The following PRKDC variants were observed in gnomAD, a reference collection of about 807,000 sequenced individuals.
PRKDC encodes protein kinase, DNA-activated, catalytic subunit.
In PRKDC, 82 loss-of-function variants were observed where a neutral mutation model predicts 486.9. That is an observed-to-expected ratio of 0.17 (90% CI 0.14 to 0.20). The LOEUF is 0.20. PRKDC is among the 10% of genes least tolerant of loss of function. The pLI is 1.00. For synonymous variants in PRKDC, 1,895 were observed against 1,837.0 expected (o/e 1.03, Z -0.81); for missense variants, 4,504 against 5,038.2 (o/e 0.89, Z 3.21).
At position 47,828,099 on chromosome 8, in the gene PRKDC, T is replaced by G. The variant is rs1010372694; in HGVS notation, c.8577+69A>C. The stretch of plus-strand genomic sequence containing the variant: ...AAGAGTCTCAACACGGGAAACATAG[T>G]GATGATGGAAAGGCCATGTGAAGCC... On this transcript the variant is annotated intron_variant, in intron 62 of 85. Coordinates refer to ENST00000314191, the MANE Select transcript of PRKDC (RefSeq NM_006904.7). The G allele has an allele frequency of 2.1e-6, 3 of 1,446,120 alleles. No individual in the cohort carries two copies. The African/African-American group carries it at 4.2e-5, about 20-fold the overall frequency. 89.6% of individuals were successfully genotyped at this position (1,446,120 alleles called of 1,614,324 possible). A position where few individuals can be genotyped will look rare whatever the true frequency, so the allele number is the denominator to read the frequency against.
chr8:47,911,268 C>G (rs2089897813), intron 25 of PRKDC, among the ~76,000 whole-genome samples: 1 of 152,240 alleles, frequency 6.6e-6, no homozygotes. Context: ...AAGTAAAGCA[C>G]TGACCACTCC....
chr8:47,858,536 G>A lies in PRKDC; in HGVS notation c.6445C>T (p.Leu2149Phe). Reference sequence around the variant, plus strand: ...CTTACCTCTTCTGTATTAATAACAAGCTTGGCTAAGAAGAGACGGATATTT... The same window carrying A: ...CTTACCTCTTCTGTATTAATAACAAACTTGGCTAAGAAGAGACGGATATTT... The part of the protein sequence containing the change: ...PLNIRLFLAK[L>F]VINTEEVFRP... Residue 2149 changes from leucine (L) to phenylalanine (F), a missense_variant, in exon 48 of 86, where the codon CTT (leucine) becomes TTT (phenylalanine). Around this residue, in one of 6 missense-constraint regions of PRKDC, gnomAD observed 1,592 missense variants for 1,724.6 expected, o/e 0.92. Transcript: ENST00000314191. 1 of 1,521,536 alleles carries A rather than the reference G, an allele frequency of 6.6e-7. No homozygotes were observed. Among genetic ancestry groups the A allele is most frequent in the Non-Finnish European group, 8.9e-7 (1 of 1,122,856 alleles). 94.3% of individuals were successfully genotyped at this position (1,521,536 alleles called of 1,614,324 possible). A position where few individuals can be genotyped will look rare whatever the true frequency, so the allele number is the denominator to read the frequency against.
At chr8:47,888,945 G>A (rs1163150353) in intron 33 of PRKDC, 69 bp downstream of exon 33, 8 of 1,464,610 alleles carry the variant, frequency 5.5e-6, no homozygotes, top group South Asian at 3.6e-5. Context: ...GCAGCTGCAG[G>A]AGCACGGCAA....
At chr8:47,900,969 G>A (rs1192503865) in intron 27 of PRKDC, among the ~76,000 whole-genome samples, 1 of 151,502 alleles carries the variant, frequency 6.6e-6, no homozygotes, top group African/African-American at 2.4e-5. Flanking sequence ...GCAACAAAGT[G>A]ACACCCTGTC....
intron 17 of PRKDC, 23 bp from the exon 18 acceptor site, chr8:47,930,035 GA>G: frequency 1.3e-6 from 2 of 1,584,958 alleles, no homozygotes; most frequent in South Asian, 1.2e-5. Flanking sequence ...ATTAGAAATT[GA>G]AGGTAGAAAT....
At chr8:47,803,161 C>G (rs1208288170) in intron 70 of PRKDC, 145 bp downstream of exon 70, 7 of 743,604 alleles carry the variant, frequency 9.4e-6, no homozygotes, top group Non-Finnish European at 1.4e-5. Flanking sequence ...CTATCATTCT[C>G]TGGCTCACTT....
intron 7 of PRKDC, among the ~76,000 whole-genome samples, chr8:47,949,520 ACT>A (rs2090593215): frequency 6.6e-6 from 1 of 152,216 alleles, no homozygotes. Flanking sequence ...ATATATGTTC[ACT>A]GAGTGCTGAT....
chr8:47,959,263 C>T (rs548415058), intron 1 of PRKDC: 1 of 152,108 alleles, frequency 6.6e-6, no homozygotes, highest in Non-Finnish European at 1.5e-5. Flanking sequence ...CCAGGCATTG[C>T]TAAAGAGTTA....
chr8:47,785,010 T>C, intron 77 of PRKDC, 103 bp downstream of exon 77: 2 of 1,123,060 alleles, frequency 1.8e-6, no homozygotes, highest in Non-Finnish European at 2.6e-6. Flanking sequence ...AAAAAAGAAA[T>C]AACTGTCAAT....
chr8:47,878,911 C>T (rs1353304291), intron 39 of PRKDC, among the ~76,000 whole-genome samples: 1 of 152,160 alleles, frequency 6.6e-6, no homozygotes, highest in East Asian at 1.9e-4. Flanking sequence ...AGTCCTATCC[C>T]CGGGATATCT....
chr8:47,774,435 G>C, intron 85 of PRKDC, 58 bp from the exon 86 acceptor site: 1 of 1,511,074 alleles, frequency 6.6e-7, no homozygotes. Flanking sequence ...TTTGTTGCCT[G>C]CATCCCTAGT....
chr8:47,929,195 C>G lies in PRKDC; in HGVS notation c.2053-17G>C. The G allele has an allele frequency of 6.7e-7, 1 of 1,488,228 alleles. No homozygotes were observed. Among genetic ancestry groups the G allele is most frequent in the South Asian group, 1.2e-5 (1 of 82,988 alleles). 92.2% of individuals were successfully genotyped at this position (1,488,228 alleles called of 1,614,324 possible). On this transcript the variant is annotated splice_polypyrimidine_tract_variant and intron_variant, in intron 18 of 85. Coordinates refer to ENST00000314191, the MANE Select transcript of PRKDC (RefSeq NM_006904.7). ...ACTAACTCCCTGTCAAATAAAACAG[C>G]AAGTTAGTACACTGAACAAGAATCG...
At chr8:47,807,409 C>T in intron 68 of PRKDC, 83 bp from the exon 69 acceptor site, 4 of 1,218,654 alleles carry the variant, frequency 3.3e-6, no homozygotes, top group Non-Finnish European at 4.5e-6. Flanking sequence ...AATTCTAAAC[C>T]TTAGTAAATG....
chr8:47,832,835 C>T (rs2087918972), intron 59 of PRKDC, among the ~76,000 whole-genome samples: 1 of 152,362 alleles, frequency 6.6e-6, no homozygotes, highest in African/African-American at 2.4e-5. Flanking sequence ...AACGGATCTA[C>T]GCCCAAGGAC....
At chr8:47,777,901 G>A (rs560869082) in intron 83 of PRKDC, 27 bp from the exon 84 acceptor site, 1 of 1,602,330 alleles carries the variant, frequency 6.2e-7, no homozygotes, top group Non-Finnish European at 8.5e-7. Flanking sequence ...GCAAGGAGCA[G>A]AATATGTAAG....
At chr8:47,959,197 A>T (rs2090766788) in intron 1 of PRKDC, 1 of 152,224 alleles carries the variant, frequency 6.6e-6, no homozygotes, top group Admixed American at 6.5e-5. Flanking sequence ...TAAGTATTTG[A>T]ATATTTAAAA....
At position 47,941,376 on chromosome 8, in the gene PRKDC, G is replaced by A. The variant is rs559683984; in HGVS notation, c.967-1679C>T. Among the ~76,000 whole-genome samples the A allele has an allele frequency of 1.5e-3, 236 of 152,258 alleles. 1 individual carries two copies. The highest frequency in any genetic ancestry group is 1.0e-3 in the Non-Finnish European group (70 of 68,028). ...TGATCTAATAATGGGACTCAGGGTG[G>A]AGCTGACCACACCTGGTAACAATGT... On this transcript the variant is annotated intron_variant, in intron 10 of 85. Transcript: ENST00000314191.
chr8:47,827,533 G>T (rs1303457238), intron 62 of PRKDC, among the ~76,000 whole-genome samples: 1 of 152,172 alleles, frequency 6.6e-6, no homozygotes, highest in Non-Finnish European at 1.5e-5. Flanking sequence ...AGGCTGTGTT[G>T]CCTTGGAAAG....
chr8:47,876,387 C>T (rs556229713), intron 40 of PRKDC, among the ~76,000 whole-genome samples: 2 of 152,128 alleles, frequency 1.3e-5, no homozygotes, highest in Admixed American at 1.3e-4. Context: ...CGGGGCCAGG[C>T]GGGATGGCTC....
Sources: gnomAD v4.1 joint callset for allele counts (sites outside exome capture counted in the v4.1 genomes callset) on GRCh38, gnomAD v4.1.1 for gene constraint, gnomAD v4.1.1 regional missense constraint, MANE v1.5 for transcripts, NCBI Gene and HGNC (gene_info 2026-07-23, HGNC 2026-07-21) for gene names.